LZIC: variants seen among roughly 807,000 people sequenced by gnomAD.
LZIC encodes protein LZIC.
Under a neutral mutation model 25.4 loss-of-function variants are expected in LZIC, and 28 were observed. The ratio of observed to expected loss-of-function variants is 1.10; its 90% CI spans 0.82 to 1.51. The LOEUF is 1.51. Ranked by LOEUF, LZIC falls within the 40% of genes most tolerant of loss-of-function variation. The probability of loss-of-function intolerance (pLI) is 0.00; values close to 1 mark genes in which losing one functional copy is unlikely to be tolerated. For missense variants in LZIC, 170 were observed against 211.1 expected, an observed-to-expected ratio of 0.81 and a Z score of 1.21; for synonymous variants, 65 against 70.7, an observed-to-expected ratio of 0.92 and a Z score of 0.40.
intron 2 of LZIC, among the ~76,000 whole-genome samples, chr1:9,941,039 AT>A (rs567289177): frequency 1.3e-5 from 2 of 151,082 alleles, no homozygotes; most frequent in Non-Finnish European, 3.0e-5. Flanking sequence ...TTGAGCCTGC[AT>A]TTTTTTTTCT....
downstream of LZIC, among the ~76,000 whole-genome samples, chr1:9,924,361 A>G (rs908209943): frequency 2.0e-5 from 3 of 151,406 alleles, no homozygotes. Flanking sequence ...TTATTTATTT[A>G]TTTATTTTTT....
At position 9,928,479 on chromosome 1, in the gene LZIC, A is replaced by G. The variant is rs1640084425; in HGVS notation, c.*1920T>C. 6.6e-6 allele frequency among the ~76,000 whole-genome samples: 1 copy of G among 152,206 alleles called. No individual in the cohort carries two copies. Among genetic ancestry groups the G allele is most frequent in the Non-Finnish European group, 1.5e-5 (1 of 68,046 alleles). ...AAGAAGGAAACAACCCAAATCATCA[A>G]CAGATACCGGATAAACAAAATATGA... On this transcript the variant is annotated 3_prime_UTR_variant, in exon 8 of 8. Coordinates refer to ENST00000377223, the MANE Select transcript of LZIC (RefSeq NM_032368.5).
In LZIC at chr1:9,941,956, G is replaced by T. The variant is rs529517452; in HGVS notation, c.-9+668C>A. On this transcript the variant is annotated intron_variant, in intron 2 of 7. Coordinates refer to ENST00000377223, the MANE Select transcript of LZIC (RefSeq NM_032368.5). ...TTTTGAGACGGAGTCTCGCTCTGTCGTCCAGGATGGAGTGCAGTGGCGCGA... is the reference window on the plus strand; with the variant it reads ...TTTTGAGACGGAGTCTCGCTCTGTCTTCCAGGATGGAGTGCAGTGGCGCGA... Among the ~76,000 whole-genome samples, 71 of 149,184 alleles carry T rather than the reference G, an allele frequency of 4.8e-4. 1 individual carries two copies. The East Asian group carries it at 0.014, about 29-fold the overall frequency.
At position 9,927,587 on chromosome 1, in the gene LZIC, CA is replaced by C; in HGVS notation, c.*2811del. Among the ~76,000 whole-genome samples the C allele has an allele frequency of 6.6e-6, 1 of 151,764 alleles. No homozygotes were observed. Among genetic ancestry groups the C allele is most frequent in the East Asian group, 1.9e-4 (1 of 5,168 alleles). ...GAGTTCTGAGATTACATGCGTGAGCCACTGTGCCAGGCATTAGGTCCCTTTC... is the reference window on the plus strand; with the variant it reads ...GAGTTCTGAGATTACATGCGTGAGCCCTGTGCCAGGCATTAGGTCCCTTTC... On this transcript the variant is annotated 3_prime_UTR_variant, in exon 8 of 8. Coordinates refer to ENST00000377223, the MANE Select transcript of LZIC (RefSeq NM_032368.5).
chr1:9,942,207 G>A (rs1300878128), intron 2 of LZIC, among the ~76,000 whole-genome samples: 4 of 152,130 alleles, frequency 2.6e-5, no homozygotes, highest in African/African-American at 7.2e-5. Context: ...GTGAGTCACC[G>A]CGCCCAGCTC....
chr1:9,929,769 C>T lies in LZIC; in HGVS notation c.*630G>A. ...GACACTGAATTTTCAAAAACACTGA[C>T]TTGCACAAATAGTGTTAATTATTTT... On this transcript the variant is annotated 3_prime_UTR_variant, in exon 8 of 8. Transcript: ENST00000377223. 2 of 984,846 alleles carry T rather than the reference C, an allele frequency of 2.0e-6. No homozygotes were observed. The highest frequency in any genetic ancestry group is 2.4e-6 in the Non-Finnish European group (2 of 829,404). The allele number at this position is 984,846 out of a possible 1,614,324, so 61.0% of individuals were successfully genotyped here. A position where few individuals can be genotyped will look rare whatever the true frequency, so the allele number is the denominator to read the frequency against.
intron 5 of LZIC, 21 bp downstream of exon 5, chr1:9,934,741 A>C: frequency 6.3e-7 from 1 of 1,597,032 alleles, no homozygotes; most frequent in Non-Finnish European, 8.6e-7. Context: ...CAGCAACCAA[A>C]TCAATTTAAA....
chr1:9,925,709 C>T (rs1208098628), downstream of LZIC, among the ~76,000 whole-genome samples: 2 of 151,966 alleles, frequency 1.3e-5, no homozygotes, highest in African/African-American at 4.8e-5. Context: ...CCTGCCTCAG[C>T]CTCCTGAGTA....
rs1403656435 is a variant in LZIC, at chr1:9,927,453, C to T, written c.*2946G>A. On this transcript the variant is annotated 3_prime_UTR_variant, in exon 8 of 8. Transcript: ENST00000377223. The stretch of plus-strand genomic sequence containing the variant: ...AGTAGCTGGGACCACAAGTGCATGC[C>T]ATCACGCCTGGCTAATTTTTTTTTT... Among the ~76,000 whole-genome samples the T allele has an allele frequency of 2.0e-5, 3 of 151,596 alleles. No homozygotes were observed. The highest frequency in any genetic ancestry group is 4.4e-5 in the Non-Finnish European group (3 of 67,942).
chr1:9,934,864 G>A lies in LZIC; in HGVS notation c.238-4C>T. 6.2e-7 allele frequency: 1 copy of A among 1,611,508 alleles called. No individual in the cohort carries two copies. Among genetic ancestry groups the A allele is most frequent in the Non-Finnish European group, 8.5e-7 (1 of 1,178,230 alleles). On this transcript the variant is annotated splice_polypyrimidine_tract_variant and splice_region_variant and intron_variant, in intron 4 of 7. Transcript: ENST00000377223. ...GGCTGATAGCTGCCTGAATAGCCTA[G>A]AAACACAAGAAGGCAAAAACTAACC... is the stretch of plus-strand genomic sequence containing the variant.
At chr1:9,939,082 ACTT>A (rs1640578116) in intron 2 of LZIC, among the ~76,000 whole-genome samples, 1 of 151,460 alleles carries the variant, frequency 6.6e-6, no homozygotes, top group African/African-American at 2.4e-5. Flanking sequence ...CTAAGGAATC[ACTT>A]CTTTTTTTTT....
chr1:9,936,768 A>G (rs1640476847), intron 2 of LZIC, 141 bp from the exon 3 acceptor site: 1 of 618,322 alleles, frequency 1.6e-6, no homozygotes, highest in Non-Finnish European at 2.8e-6. Flanking sequence ...TGACCCTCCC[A>G]TCTTGGACTA....
rs937168926 is a variant in LZIC, at chr1:9,942,838, C to T, written c.-167-56G>A. The T allele has an allele frequency of 7.2e-5, 37 of 510,610 alleles. No individual in the cohort carries two copies. In the East Asian group the frequency reaches 1.8e-3, roughly 25 times the overall value. The allele number at this position is 510,610 out of a possible 1,614,324, so 31.6% of individuals were successfully genotyped here. A position where few individuals can be genotyped will look rare whatever the true frequency, so the allele number is the denominator to read the frequency against. On this transcript the variant is annotated intron_variant, in intron 1 of 7. Transcript: ENST00000377223. The stretch of plus-strand genomic sequence containing the variant: ...TTTATTTGCTATATATAAACTTGCC[C>T]TAAGGCAGTCCAGATAACTTCCACT...
chr1:9,940,014 C>T lies in LZIC; in HGVS notation c.-9+2610G>A, dbSNP rs541544004. 1.7e-4 allele frequency among the ~76,000 whole-genome samples: 26 copies of T among 151,792 alleles called. No homozygotes were observed. The South Asian group carries it at 2.9e-3, about 17-fold the overall frequency. On this transcript the variant is annotated intron_variant, in intron 2 of 7. Coordinates refer to ENST00000377223, the MANE Select transcript of LZIC (RefSeq NM_032368.5). ...TGTGCTTGTAGTCCCAGCTACTTGGCGGGCTGAGGTGGGAGAATCATCCAA... is the reference window on the plus strand; with the variant it reads ...TGTGCTTGTAGTCCCAGCTACTTGGTGGGCTGAGGTGGGAGAATCATCCAA...
At position 9,932,958 on chromosome 1, in the gene LZIC, T is replaced by C. The variant is rs1053510856; in HGVS notation, c.337-60A>G. The C allele has an allele frequency of 2.5e-6, 3 of 1,200,752 alleles. No individual in the cohort carries two copies. In the African/African-American group the frequency reaches 4.5e-5, roughly 18 times the overall value. The allele number at this position is 1,200,752 out of a possible 1,614,324, so 74.4% of individuals were successfully genotyped here. A position where few individuals can be genotyped will look rare whatever the true frequency, so the allele number is the denominator to read the frequency against. Reference sequence around the variant, plus strand: ...AGTGAAAAACATTCCATATACAAAATATAGCTTTTCAGGCCAGGCGCAGTG... The same window carrying C: ...AGTGAAAAACATTCCATATACAAAACATAGCTTTTCAGGCCAGGCGCAGTG... On this transcript the variant is annotated intron_variant, in intron 5 of 7. Coordinates refer to ENST00000377223, the MANE Select transcript of LZIC (RefSeq NM_032368.5).
intron 5 of LZIC, among the ~76,000 whole-genome samples, chr1:9,934,071 C>T (rs1000004707): frequency 6.6e-6 from 1 of 151,602 alleles, no homozygotes; most frequent in Non-Finnish European, 1.5e-5. Context: ...ACTAAAAATA[C>T]AAAAATTAGC....
intron 7 of LZIC, among the ~76,000 whole-genome samples, chr1:9,931,585 G>A (rs1278123394): frequency 6.6e-6 from 1 of 151,948 alleles, no homozygotes; most frequent in African/African-American, 2.4e-5. Flanking sequence ...TTTTAATTTT[G>A]AAGACAAAGG....
downstream of LZIC, among the ~76,000 whole-genome samples, chr1:9,924,738 A>T (rs1268684983): frequency 6.6e-6 from 1 of 152,126 alleles, no homozygotes; most frequent in Non-Finnish European, 1.5e-5. Context: ...GTTAATGAGT[A>T]TTGAAGGAAT....
At chr1:9,941,585 C>T (rs1374599045) in intron 2 of LZIC, among the ~76,000 whole-genome samples, 1 of 149,510 alleles carries the variant, frequency 6.7e-6, no homozygotes, top group Non-Finnish European at 1.5e-5. Flanking sequence ...CTGCAACCTC[C>T]GCTTCCCAGG....
Sources: gnomAD v4.1 joint callset for allele counts (sites outside exome capture counted in the v4.1 genomes callset) on GRCh38, gnomAD v4.1.1 for gene constraint, MANE v1.5 for transcripts, NCBI Gene and HGNC (gene_info 2026-07-23, HGNC 2026-07-21) for gene names.